Variants in LRPAP1 observed in about 807,000 individuals in gnomAD.
The protein encoded by LRPAP1 is LDL receptor related protein associated protein 1, also known as alpha-2-macroglobulin receptor-associated protein.
In LRPAP1, 41 loss-of-function variants were observed where a neutral mutation model predicts 39.9. The observed-to-expected ratio is 1.03, with a 90% CI of 0.80 to 1.33. The LOEUF (loss-of-function observed/expected upper bound fraction) is 1.33. LRPAP1 is among the 40% of genes most tolerant of loss of function. The probability of loss-of-function intolerance (pLI) is 0.00; values close to 1 mark genes in which losing one functional copy is unlikely to be tolerated. For missense variants in LRPAP1, 565 were observed against 482.3 expected, an observed-to-expected ratio of 1.17 and a Z score of -1.61; for synonymous variants, 263 against 212.7, an observed-to-expected ratio of 1.24 and a Z score of -2.06.
rs532235561 is a variant in LRPAP1 at position 3,522,448 on chromosome 4, C to T, written c.350-2255G>A. 8.6e-5 allele frequency among the ~76,000 whole-genome samples: 13 copies of T among 151,380 alleles called. No individual in the cohort carries two copies. In the South Asian group the frequency reaches 2.3e-3, roughly 27 times the overall value. ...AGTCACAGAGCACTGAAGCTGGAGG[C>T]GGCCTCAGGAGCACCGAGCCCTTAG... is the stretch of plus-strand genomic sequence containing the variant. On this transcript the variant is annotated intron_variant, in intron 2 of 7. Transcript: ENST00000650182.
Position 3,520,181 on chromosome 4 carries a change from T to G in LRPAP1, c.362A>C (p.Lys121Thr). ...GTCCTTCTTTCCGTCCAGACCATAC[T>G]TGGCCAAGATGACTAGGAGAGAGGG... ...LIRNLNVILA[K>T]YGLDGKKDAR... Residue 121 changes from lysine to threonine, a missense_variant, in exon 3 of 8, where the codon AAG becomes ACG. Transcript: ENST00000650182. 1 of 1,613,882 alleles carries G rather than the reference T, an allele frequency of 6.2e-7. No individual in the cohort carries two copies. The highest frequency in any genetic ancestry group is 8.5e-7 in the Non-Finnish European group (1 of 1,179,892).
In LRPAP1 at chr4:3,518,956, C is replaced by T. The variant is rs1406658941; in HGVS notation, c.507G>A (p.Leu169=). ...KTSGKFSGEE[L]DKLWREFLHH... The stretch of plus-strand genomic sequence containing the variant: ...GCAGGAACTCCCGCCAGAGCTTGTC[C>T]AGTTCTTCGCCGGAGAATTTCCCAG... Residue 169 remains leucine, a synonymous_variant, in exon 4 of 8, where the codon CTG becomes CTA. Transcript: ENST00000650182. 1.2e-6 allele frequency: 2 copies of T among 1,614,074 alleles called. No individual in the cohort carries two copies. Among genetic ancestry groups the T allele is most frequent in the East Asian group, 2.2e-5 (1 of 44,866 alleles).
At chr4:3,527,981 C>A (rs749350280) in intron 1 of LRPAP1, among the ~76,000 whole-genome samples, 22 of 152,188 alleles carry the variant, frequency 1.4e-4, no homozygotes, top group Non-Finnish European at 2.8e-4. Flanking sequence ...TTTCACACCG[C>A]ATGTCTCACA....
chr4:3,531,768 C>T (rs1182727711), intron 1 of LRPAP1, among the ~76,000 whole-genome samples: 2 of 152,266 alleles, frequency 1.3e-5, no homozygotes. Flanking sequence ...CAAGCACGGG[C>T]TTGCTACTGG....
Position 3,510,106 on chromosome 4 carries a change from T to G in LRPAP1, c.*2868A>C, listed in dbSNP as rs1048797922. The G allele has an allele frequency of 3.3e-5, 5 of 151,588 alleles. No individual in the cohort carries two copies. Among genetic ancestry groups the G allele is most frequent in the African/African-American group, 1.2e-4 (5 of 41,208 alleles). The allele number at this position is 151,588 out of a possible 1,614,324, so 9.4% of individuals were successfully genotyped here. ...AAATGCACATCACCTCGATTCAGGG[T>G]TTATTATAAACCCAACTGTAGCCAA... On this transcript the variant is annotated 3_prime_UTR_variant, in exon 8 of 8. Coordinates refer to ENST00000650182, the MANE Select transcript of LRPAP1 (RefSeq NM_002337.4).
intron 2 of LRPAP1, among the ~76,000 whole-genome samples, chr4:3,521,987 T>G (rs138957840): frequency 1.3e-5 from 2 of 152,136 alleles, no homozygotes; most frequent in African/African-American, 4.8e-5. Flanking sequence ...AAATAAATAA[T>G]TAAATAAATA....
At position 3,506,372 on chromosome 4, in the gene LRPAP1, T is replaced by TG. The variant is rs1272805610; in HGVS notation, c.*6601dup. ...GGAGCCACCCACACTTGGCTCAAGC[T>TG]GGGTTTTTTTTTTTTTTTGAGGCGA... On this transcript the variant is annotated 3_prime_UTR_variant, in exon 8 of 8. Transcript: ENST00000650182. 2.8e-5 allele frequency: 4 copies of TG among 142,488 alleles called. No individual in the cohort carries two copies. The highest frequency in any genetic ancestry group is 1.1e-4 in the African/African-American group (4 of 37,878). 8.8% of individuals were successfully genotyped at this position (142,488 alleles called of 1,614,324 possible). A position where few individuals can be genotyped will look rare whatever the true frequency, so the allele number is the denominator to read the frequency against.
rs763205407 is a variant in LRPAP1, at chr4:3,520,073, T to C, written c.470A>G (p.Lys157Arg). Residue 157 changes from lysine to arginine, a missense_variant and splice_region_variant, in exon 3 of 8, where the codon AAG becomes AGG. By Grantham distance (26) the Lys-to-Arg change is conservative. Coordinates refer to ENST00000650182, the MANE Select transcript of LRPAP1 (RefSeq NM_002337.4). ...DDPRLEKLWH[K>R]AKTSGKFSGE... ...GGTATGCAAACAATCGAAGAGTACC[T>C]TGTGCCACAGCTTTTCCAGCCTGGG... 2 of 1,613,962 alleles carry C rather than the reference T, an allele frequency of 1.2e-6. No homozygotes were observed. The highest frequency in any genetic ancestry group is 1.1e-5 in the South Asian group (1 of 91,086).
chr4:3,510,359 T>A lies in LRPAP1; in HGVS notation c.*2615A>T, dbSNP rs1176174292. 1 of 152,236 alleles carries A rather than the reference T, an allele frequency of 6.6e-6. No individual in the cohort carries two copies. The highest frequency in any genetic ancestry group is 1.5e-5 in the Non-Finnish European group (1 of 68,062). The allele number at this position is 152,236 out of a possible 1,614,324, so 9.4% of individuals were successfully genotyped here. A position where few individuals can be genotyped will look rare whatever the true frequency, so the allele number is the denominator to read the frequency against. ...TACTCAGGAGACTGAGGCGAGGGGA[T>A]TGCTGGAGTATGGGAGGTCAAGGGT... On this transcript the variant is annotated 3_prime_UTR_variant, in exon 8 of 8. Coordinates refer to ENST00000650182, the MANE Select transcript of LRPAP1 (RefSeq NM_002337.4).
rs71180190 is a variant in LRPAP1 at position 3,504,745 on chromosome 4, CAA to C, written c.*8227_*8228del. 5.7e-3 allele frequency among the ~76,000 whole-genome samples: 499 copies of C among 87,262 alleles called. 3 individuals are homozygous for C. Among genetic ancestry groups the C allele is most frequent in the African/African-American group, 0.017 (351 of 21,198 alleles). The allele number at this position is 87,262 out of a possible 152,430, so 57.2% of individuals were successfully genotyped here. Reference sequence around the variant, plus strand: ...AGCCTGAGCAATTGAGATTCCATCTCAAAAAAAAAAAAAAAAAAACCAAAAAA... The same window carrying C: ...AGCCTGAGCAATTGAGATTCCATCTCAAAAAAAAAAAAAAAAACCAAAAAA... On this transcript the variant is annotated 3_prime_UTR_variant, in exon 8 of 8. Coordinates refer to ENST00000650182, the MANE Select transcript of LRPAP1 (RefSeq NM_002337.4).
rs186626917 is a variant in LRPAP1, at chr4:3,509,073, G to C, written c.*3901C>G. 1 of 152,228 alleles carries C rather than the reference G, an allele frequency of 6.6e-6. No individual in the cohort carries two copies. Among genetic ancestry groups the C allele is most frequent in the African/African-American group, 2.4e-5 (1 of 41,440 alleles). The allele number at this position is 152,228 out of a possible 1,614,324, so 9.4% of individuals were successfully genotyped here. ...GTGACAAATGAAATAAAAATACACA[G>C]TCCTCAATAGCATATCGAACACCTA... is the stretch of plus-strand genomic sequence containing the variant. On this transcript the variant is annotated 3_prime_UTR_variant, in exon 8 of 8. Coordinates refer to ENST00000650182, the MANE Select transcript of LRPAP1 (RefSeq NM_002337.4).
In LRPAP1 at chr4:3,514,780, TCCAGCAGG is replaced by T; in HGVS notation, c.975_982del (p.Leu326GlyfsTer78). The T allele has an allele frequency of 6.2e-6, 10 of 1,611,754 alleles. No homozygotes were observed. The highest frequency in any genetic ancestry group is 8.5e-6 in the Non-Finnish European group (10 of 1,179,562). ...GTAGCCCAGCTCCTTGGTCCGCCCC[TCCAGCAGG>T]GCGTGCTTCTCGCGGCTGCGGCTCA... On this transcript the variant is annotated frameshift_variant, in exon 7 of 8. Coordinates refer to ENST00000650182, the MANE Select transcript of LRPAP1 (RefSeq NM_002337.4). LOFTEE classifies it high-confidence loss of function.
chr4:3,519,345 G>A (rs950832100), intron 3 of LRPAP1, among the ~76,000 whole-genome samples: 1 of 152,168 alleles, frequency 6.6e-6, no homozygotes, highest in African/African-American at 2.4e-5. Flanking sequence ...TTCCTAGGGG[G>A]ACCTCTGCCA....
In LRPAP1 at chr4:3,532,336, C is replaced by G; in HGVS notation, c.77G>C (p.Trp26Ser). ...LLLLLLFLGPWPAASHGGKYS... is the reference protein window; with the variant it reads ...LLLLLLFLGPSPAASHGGKYS... Reference sequence around the variant, plus strand: ...CTTGCCGCCGTGGCTCGCAGCGGGCCAGGGCCCGAGGAAGAGCAGCAGCAG... The same window carrying G: ...CTTGCCGCCGTGGCTCGCAGCGGGCGAGGGCCCGAGGAAGAGCAGCAGCAG... Residue 26 changes from tryptophan (W) to serine (S), a missense_variant, in exon 1 of 8, where the codon TGG becomes TCG. By Grantham distance (177) the Trp-to-Ser change is radical. Transcript: ENST00000650182. 1.3e-6 allele frequency: 2 copies of G among 1,591,296 alleles called. No homozygotes were observed. The highest frequency in any genetic ancestry group is 1.7e-6 in the Non-Finnish European group (2 of 1,169,202).
In LRPAP1 at chr4:3,516,131, C is replaced by T. The variant is rs767865480; in HGVS notation, c.819G>A (p.Glu273=). Residue 273 remains glutamate, a synonymous_variant, in exon 6 of 8, where the codon GAG becomes GAA. Transcript: ENST00000650182. ...LAQSANLTDK[E]LEAFREELKH... ...GTTTCCTTACCCGGAACGCCTCCAG[C>T]TCCTTGTCCGTGAGGTTGGCGGACT... 2.5e-6 allele frequency: 4 copies of T among 1,578,872 alleles called. No homozygotes were observed. In the South Asian group the frequency reaches 3.5e-5, roughly 14 times the overall value.
At position 3,511,074 on chromosome 4, in the gene LRPAP1, C is replaced by T. The variant is rs1729492116; in HGVS notation, c.*1900G>A. On this transcript the variant is annotated 3_prime_UTR_variant, in exon 8 of 8. Coordinates refer to ENST00000650182, the MANE Select transcript of LRPAP1 (RefSeq NM_002337.4). The stretch of plus-strand genomic sequence containing the variant: ...TAGACACCACAAAACGCCAGCCAGG[C>T]TGTCCATAATTAAAAATACCGAGCA... 6.6e-6 allele frequency: 1 copy of T among 152,258 alleles called. No individual in the cohort carries two copies. Among genetic ancestry groups the T allele is most frequent in the Non-Finnish European group, 1.5e-5 (1 of 68,038 alleles). 9.4% of individuals were successfully genotyped at this position (152,258 alleles called of 1,614,324 possible).
intron 5 of LRPAP1, among the ~76,000 whole-genome samples, chr4:3,517,248 T>C (rs763046333): frequency 6.6e-6 from 1 of 152,216 alleles, no homozygotes; most frequent in South Asian, 2.1e-4. Context: ...CGTGGACACA[T>C]TTGACTGCTG....
chr4:3,531,130 TCTCCCAC>T (rs1007496973), intron 1 of LRPAP1, among the ~76,000 whole-genome samples: 7 of 151,938 alleles, frequency 4.6e-5, no homozygotes, highest in African/African-American at 1.7e-4. Flanking sequence ...CCCAGAGCGT[TCTCCCAC>T]CTCCCACCTC....
At chr4:3,529,877 G>A (rs1005270121) in intron 1 of LRPAP1, among the ~76,000 whole-genome samples, 2 of 152,200 alleles carry the variant, frequency 1.3e-5, no homozygotes, top group South Asian at 2.1e-4. Context: ...ACAGGGACAC[G>A]ATGTTTTCAT....
Sources: gnomAD v4.1 joint callset for allele counts (sites outside exome capture counted in the v4.1 genomes callset) on GRCh38, gnomAD v4.1.1 for gene constraint, MANE v1.5 for transcripts, NCBI Gene and HGNC (gene_info 2026-07-23, HGNC 2026-07-21) for gene names.